ZNF492: variants seen among roughly 807,000 people sequenced by gnomAD.
ZNF492 encodes the protein zinc finger protein 492, also known as zinc finger protein 115 (Y20).
In ZNF492, 3 loss-of-function variants were observed where a neutral mutation model predicts 6.4. The observed-to-expected ratio is 0.47, with a 90% CI of 0.21 to 1.22. The LOEUF (loss-of-function observed/expected upper bound fraction) is 1.22. Ranked by LOEUF, ZNF492 falls within the 50% of genes most tolerant of loss-of-function variation. The pLI, the probability that ZNF492 is intolerant of heterozygous loss-of-function variation, is 0.22. For synonymous variants in ZNF492, 112 were observed against 205.3 expected, an observed-to-expected ratio of 0.55 and a Z score of 3.89; for missense variants, 356 against 612.5, an observed-to-expected ratio of 0.58 and a Z score of 4.42.
chr19:22,653,345 T>C lies in ZNF492; in HGVS notation c.-55T>C. Reference sequence around the variant, plus strand: ...TTAGGGATGTGGCCATAGAATTCTCTCTGGAGGAGTGGCAATGCCTGGACA... The same window carrying C: ...TTAGGGATGTGGCCATAGAATTCTCCCTGGAGGAGTGGCAATGCCTGGACA... On this transcript the variant is annotated 5_prime_UTR_variant, in exon 2 of 4. Coordinates refer to ENST00000456783, the MANE Select transcript of ZNF492 (RefSeq NM_020855.3). The C allele has an allele frequency of 3.1e-6, 5 of 1,613,758 alleles. No homozygotes were observed. Among genetic ancestry groups the C allele is most frequent in the Non-Finnish European group, 4.2e-6 (5 of 1,179,946 alleles).
chr19:22,639,439 G>A (rs530550533), intron 1 of ZNF492, among the ~76,000 whole-genome samples: 18 of 151,798 alleles, frequency 1.2e-4, no homozygotes, highest in Admixed American at 2.6e-4. Context: ...GGCCTGGCGC[G>A]GTGGCTCACA....
intron 1 of ZNF492, among the ~76,000 whole-genome samples, chr19:22,641,688 C>T (rs1265168733): frequency 1.3e-5 from 2 of 152,178 alleles, no homozygotes; most frequent in Non-Finnish European, 2.9e-5. Context: ...ACTATTAGTG[C>T]CCACGGGTGT....
chr19:22,649,343 GTCTGACTACC>G (rs1285162326), intron 1 of ZNF492, among the ~76,000 whole-genome samples: 1 of 152,154 alleles, frequency 6.6e-6, no homozygotes, highest in African/African-American at 2.4e-5. Context: ...TGGCCTTTCT[GTCTGACTACC>G]CTTAACATTT....
At chr19:22,653,135 T>C (rs958169572) in intron 1 of ZNF492, among the ~76,000 whole-genome samples, 172 bp from the exon 2 acceptor site, 8 of 151,732 alleles carry the variant, frequency 5.3e-5, no homozygotes, top group African/African-American at 1.9e-4. Flanking sequence ...TTCTCAGAGT[T>C]AGAGAATGCA....
intron 1 of ZNF492, among the ~76,000 whole-genome samples, chr19:22,647,155 T>G (rs1971886449): frequency 6.6e-6 from 1 of 151,656 alleles, no homozygotes; most frequent in Admixed American, 6.6e-5. Flanking sequence ...CCTCCCAAAG[T>G]GGTGGGATTT....
intron 1 of ZNF492, among the ~76,000 whole-genome samples, chr19:22,643,456 CTG>C (rs1309680825): frequency 1.3e-5 from 2 of 152,144 alleles, no homozygotes; most frequent in African/African-American, 4.8e-5. Flanking sequence ...ATAAGGGACT[CTG>C]TGCTGTGCCT....
In ZNF492 at chr19:22,667,425, T is replaced by A. The variant is rs533510916; in HGVS notation, c.*2160T>A. ...TGTTAGTTTTTTCAGGCATATAATATTTATGTTATATATGGCATATTCTGA... is the reference window on the plus strand; with the variant it reads ...TGTTAGTTTTTTCAGGCATATAATAATTATGTTATATATGGCATATTCTGA... On this transcript the variant is annotated 3_prime_UTR_variant, in exon 4 of 4. Coordinates refer to ENST00000456783, the MANE Select transcript of ZNF492 (RefSeq NM_020855.3). 11 of 152,180 alleles carry A rather than the reference T, an allele frequency of 7.2e-5. No individual in the cohort carries two copies. Among genetic ancestry groups the A allele is most frequent in the African/African-American group, 1.9e-4 (8 of 41,540 alleles). The allele number at this position is 152,180 out of a possible 1,614,324, so 9.4% of individuals were successfully genotyped here.
chr19:22,639,143 A>C (rs1971798751), intron 1 of ZNF492, among the ~76,000 whole-genome samples: 1 of 151,852 alleles, frequency 6.6e-6, no homozygotes, highest in Non-Finnish European at 1.5e-5. Context: ...CCTGGCCAAT[A>C]TTGATCTTCT....
chr19:22,665,471 T>C lies in ZNF492; in HGVS notation c.*206T>C, dbSNP rs1994647. ...AAAGTAAAAAAGTGATTAATATCTG[T>C]GCACATCTTATTCAACATCAGAGTT... is the stretch of plus-strand genomic sequence containing the variant. On this transcript the variant is annotated 3_prime_UTR_variant, in exon 4 of 4. Coordinates refer to ENST00000456783, the MANE Select transcript of ZNF492 (RefSeq NM_020855.3). 2.9e-6 allele frequency: 3 copies of C among 1,049,370 alleles called. No individual in the cohort carries two copies. The highest frequency in any genetic ancestry group is 1.6e-5 in the African/African-American group (1 of 61,130). The allele number at this position is 1,049,370 out of a possible 1,614,324, so 65.0% of individuals were successfully genotyped here. A position where few individuals can be genotyped will look rare whatever the true frequency, so the allele number is the denominator to read the frequency against.
rs144188916 is a variant in ZNF492 at position 22,642,335 on chromosome 19, T to A, written c.-94+7861T>A. ...ATTATATGTAGGTATTTTTCTCTGC[T>A]TTTTTGAAATATACATAAATTATAT... On this transcript the variant is annotated intron_variant, in intron 1 of 3. Transcript: ENST00000456783. Among the ~76,000 whole-genome samples the A allele has an allele frequency of 2.6e-4, 39 of 152,118 alleles. No individual in the cohort carries two copies. In the East Asian group the frequency reaches 7.1e-3, roughly 28 times the overall value.
At position 22,667,221 on chromosome 19, in the gene ZNF492, C is replaced by A. The variant is rs1231396569; in HGVS notation, c.*1956C>A. On this transcript the variant is annotated 3_prime_UTR_variant, in exon 4 of 4. Coordinates refer to ENST00000456783, the MANE Select transcript of ZNF492 (RefSeq NM_020855.3). ...CCGTCCTGGGTGACAAAGTGAGACT[C>A]CCTCTCAAAAAATAAATAAGTAAAT... 6.6e-6 allele frequency: 1 copy of A among 152,032 alleles called. No homozygotes were observed. Among genetic ancestry groups the A allele is most frequent in the Non-Finnish European group, 1.5e-5 (1 of 68,006 alleles). 9.4% of individuals were successfully genotyped at this position (152,032 alleles called of 1,614,324 possible). A position where few individuals can be genotyped will look rare whatever the true frequency, so the allele number is the denominator to read the frequency against.
rs1972138734 is a variant in ZNF492 at position 22,667,139 on chromosome 19, A to C, written c.*1874A>C. On this transcript the variant is annotated 3_prime_UTR_variant, in exon 4 of 4. Transcript: ENST00000456783. ...GCTACTCGGGAGGCTGAGGCAGGAG[A>C]ATCACTTGAACCCGGGAAGCAGAGG... 1 of 152,284 alleles carries C rather than the reference A, an allele frequency of 6.6e-6. No individual in the cohort carries two copies. Among genetic ancestry groups the C allele is most frequent in the Non-Finnish European group, 1.5e-5 (1 of 68,102 alleles). The allele number at this position is 152,284 out of a possible 1,614,324, so 9.4% of individuals were successfully genotyped here. A position where few individuals can be genotyped will look rare whatever the true frequency, so the allele number is the denominator to read the frequency against.
chr19:22,650,786 C>T (rs530769271), intron 1 of ZNF492, among the ~76,000 whole-genome samples: 71 of 152,134 alleles, frequency 4.7e-4, no homozygotes, highest in Middle Eastern at 3.2e-3. Context: ...AGGGGAAAAG[C>T]ATGGCCAGGA....
intron 3 of ZNF492, among the ~76,000 whole-genome samples, chr19:22,662,193 C>G (rs1972066038): frequency 6.6e-6 from 1 of 152,078 alleles, no homozygotes; most frequent in Non-Finnish European, 1.5e-5. Context: ...GTTTGGTTTT[C>G]TGTCCTTGTG....
chr19:22,663,613 CTTACT>C (rs1972080805), intron 3 of ZNF492, among the ~76,000 whole-genome samples, 182 bp from the exon 4 acceptor site: 1 of 152,090 alleles, frequency 6.6e-6, no homozygotes, highest in Admixed American at 6.6e-5. Flanking sequence ...ACACACTTAA[CTTACT>C]TTAATTTTTC....
intron 1 of ZNF492, among the ~76,000 whole-genome samples, 188 bp from the exon 2 acceptor site, chr19:22,653,119 T>C (rs1971958962): frequency 6.6e-6 from 1 of 151,484 alleles, no homozygotes; most frequent in Non-Finnish European, 1.5e-5. Context: ...CTTATGCCAC[T>C]CTCTTTTCTC....
intron 1 of ZNF492, among the ~76,000 whole-genome samples, chr19:22,649,034 T>C (rs1244559635): frequency 6.6e-6 from 1 of 152,158 alleles, no homozygotes; most frequent in African/African-American, 2.4e-5. Context: ...GTGTCATTGG[T>C]CTTCATGGTG....
chr19:22,653,817 A>T (rs1971966109), intron 2 of ZNF492, 103 bp from the exon 3 acceptor site: 1 of 1,248,494 alleles, frequency 8.0e-7, no homozygotes, highest in East Asian at 2.7e-5. Context: ...GTATTTTGGA[A>T]TCAATTTACT....
chr19:22,666,113 A>G lies in ZNF492; in HGVS notation c.*848A>G, dbSNP rs1972123301. ...ACAAATAATGTTGTAATTAACTCAA[A>G]TTACTTCGTGTTAATGTTGTAATTA... is the stretch of plus-strand genomic sequence containing the variant. On this transcript the variant is annotated 3_prime_UTR_variant, in exon 4 of 4. Transcript: ENST00000456783. 6.6e-6 allele frequency: 1 copy of G among 152,076 alleles called. No homozygotes were observed. The highest frequency in any genetic ancestry group is 1.5e-5 in the Non-Finnish European group (1 of 68,010). The allele number at this position is 152,076 out of a possible 1,614,324, so 9.4% of individuals were successfully genotyped here.
Sources: gnomAD v4.1 joint callset for allele counts (sites outside exome capture counted in the v4.1 genomes callset) on GRCh38, gnomAD v4.1.1 for gene constraint, MANE v1.5 for transcripts, NCBI Gene and HGNC (gene_info 2026-07-23, HGNC 2026-07-21) for gene names.